The following EXOC3 variants were observed in gnomAD, a reference collection of about 807,000 sequenced individuals.
EXOC3 encodes SEC6-like 1.
EXOC3 carries 21 observed loss-of-function variants against 73.7 expected under a neutral mutation model. That is an observed-to-expected ratio of 0.29 (90% CI 0.20 to 0.41). EXOC3 has a LOEUF of 0.41. Among genes scored for constraint, EXOC3 ranks in the 10% least tolerant of loss-of-function variants. EXOC3 has a pLI of 1.00. For missense variants in EXOC3, 842 were observed against 985.1 expected, an observed-to-expected ratio of 0.85 and a Z score of 1.95; for synonymous variants, 410 against 389.1, an observed-to-expected ratio of 1.05 and a Z score of -0.63.
At position 466,850 on chromosome 5, in the gene EXOC3, C is replaced by T. The variant is rs1407779578; in HGVS notation, c.2190C>T (p.Phe730=). 1 of 1,612,786 alleles carries T rather than the reference C, an allele frequency of 6.2e-7. No homozygotes were observed. The highest frequency in any genetic ancestry group is 8.5e-7 in the Non-Finnish European group (1 of 1,179,484). Residue 730 remains phenylalanine (F), a synonymous_variant, in exon 13 of 13, where the codon TTC becomes TTT. Coordinates refer to ENST00000512944, the MANE Select transcript of EXOC3 (RefSeq NM_007277.5). ...CCAGCCCCAGCTACGTGCCCCTCTT[C>T]AAGGACATTGTGGTGCCCAGCCTGA... ...AQASPSYVPL[F]KDIVVPSLNV... is the part of the protein sequence containing the mutation.
chr5:457,322 T>C, intron 5 of EXOC3: 2 of 335,704 alleles, frequency 6.0e-6, no homozygotes, highest in Non-Finnish European at 1.0e-5. Flanking sequence ...CGGCTCTGAG[T>C]CCCATGGTTG....
chr5:443,464 T>G (rs865967090), intron 1 of EXOC3, among the ~76,000 whole-genome samples, 174 bp downstream of exon 1: 1 of 152,128 alleles, frequency 6.6e-6, no homozygotes, highest in Non-Finnish European at 1.5e-5. Flanking sequence ...CTCGTGCGAG[T>G]GTCCTCGGCG....
chr5:464,931 T>G, intron 10 of EXOC3, 180 bp from the exon 11 acceptor site: 1 of 662,992 alleles, frequency 1.5e-6, no homozygotes, highest in Non-Finnish European at 2.5e-6. Flanking sequence ...TCACCGTCAC[T>G]GTTCCCCCAC....
intron 12 of EXOC3, chr5:466,046 G>GT (rs1290269844): frequency 2.0e-6 from 1 of 489,986 alleles, no homozygotes; most frequent in African/African-American, 1.9e-5. Flanking sequence ...CTGGGCTACA[G>GT]TGTGGGTGGG....
At chr5:461,491 T>TAGTCCCACCTGC (rs1320870339) in intron 7 of EXOC3, 36 of 156,366 alleles carry the variant, frequency 2.3e-4, no homozygotes, top group Admixed American at 6.9e-4. Flanking sequence ...GGCACACCTG[T>TAGTCCCACCTGC]AGTCCCACCT....
chr5:453,679 G>GCATA lies in EXOC3; in HGVS notation c.676_679dup (p.Leu227HisfsTer3). The GCATA allele has an allele frequency of 6.2e-7, 1 of 1,613,912 alleles. No individual in the cohort carries two copies. Among genetic ancestry groups the GCATA allele is most frequent in the Non-Finnish European group, 8.5e-7 (1 of 1,179,884 alleles). ...GAAAGGGAAGAGAAAATTGACAGGC[G>GCATA]CATACTTGACCGGAAAAAGCAAACT... On this transcript the variant is annotated frameshift_variant, in exon 4 of 13. Transcript: ENST00000512944. LOFTEE classifies it high-confidence loss of function.
At position 453,939 on chromosome 5, in the gene EXOC3, C is replaced by T; in HGVS notation, c.934C>T (p.Leu312=). The change falls in exon 4 of 13, where the codon CTG becomes TTG. Residue 312 remains leucine (L), a synonymous_variant. Transcript: ENST00000512944. Reference sequence around the variant, plus strand: ...CCACTATGAGATCTTTAAGAACCTCCTGAACATGTACCACCAAGCCCTGAG... The same window carrying T: ...CCACTATGAGATCTTTAAGAACCTCTTGAACATGTACCACCAAGCCCTGAG... The part of the protein sequence containing the change: ...PPHYEIFKNL[L]NMYHQALSTR... 2.5e-6 allele frequency: 4 copies of T among 1,614,030 alleles called. No individual in the cohort carries two copies. Among genetic ancestry groups the T allele is most frequent in the South Asian group, 1.1e-5 (1 of 91,080 alleles).
In EXOC3 at chr5:453,945, A is replaced by G. The variant is rs1006268473; in HGVS notation, c.940A>G (p.Met314Val). 1 of 1,613,912 alleles carries G rather than the reference A, an allele frequency of 6.2e-7. No homozygotes were observed. Among genetic ancestry groups the G allele is most frequent in the African/African-American group, 1.3e-5 (1 of 74,934 alleles). ...HYEIFKNLLN[M>V]YHQALSTRMQ... ...TGAGATCTTTAAGAACCTCCTGAACATGTACCACCAAGCCCTGAGCACGCG... is the reference window on the plus strand; with the variant it reads ...TGAGATCTTTAAGAACCTCCTGAACGTGTACCACCAAGCCCTGAGCACGCG... Residue 314 changes from methionine (M) to valine (V), a missense_variant, in exon 4 of 13, where the codon ATG (methionine) becomes GTG (valine). Met to Val is a conservative substitution (Grantham distance 21). Transcript: ENST00000512944.
intron 3 of EXOC3, 80 bp from the exon 4 acceptor site, chr5:453,290 C>T (rs1737707314): frequency 1.5e-5 from 16 of 1,061,188 alleles, no homozygotes; most frequent in South Asian, 1.3e-4. Flanking sequence ...CCTGCTCTGC[C>T]GTGTTCCCAG....
chr5:463,957 C>G (rs1431825576), intron 9 of EXOC3, among the ~76,000 whole-genome samples: 5 of 152,252 alleles, frequency 3.3e-5, no homozygotes, highest in Non-Finnish European at 7.3e-5. Context: ...ATCTCCTATA[C>G]TTAAAGTACA....
chr5:464,305 T>G lies in EXOC3; in HGVS notation c.1669T>G (p.Leu557Val), dbSNP rs377302797. The G allele has an allele frequency of 1.2e-6, 2 of 1,613,626 alleles. No individual in the cohort carries two copies. The highest frequency in any genetic ancestry group is 2.2e-5 in the South Asian group (2 of 91,068). Reference sequence around the variant, plus strand: ...TGCTTTTCAGCAACATCTGAATGAATTGATGACGAAGAAGTGGCTATTAGG... The same window carrying G: ...TGCTTTTCAGCAACATCTGAATGAAGTGATGACGAAGAAGTGGCTATTAGG... ...FLDLEQHLNE[L>V]MTKKWLLGSN... The change falls in exon 10 of 13, where the codon TTG becomes GTG. Residue 557 changes from leucine to valine, a missense_variant. By Grantham distance (32) the Leu-to-Val change is conservative. Coordinates refer to ENST00000512944, the MANE Select transcript of EXOC3 (RefSeq NM_007277.5).
intron 9 of EXOC3, among the ~76,000 whole-genome samples, chr5:463,106 A>AAAC (rs1042921937): frequency 2.6e-5 from 4 of 152,152 alleles, no homozygotes; most frequent in Non-Finnish European, 4.4e-5. Flanking sequence ...CTCCATTTCA[A>AAAC]AACAACAACA....
chr5:453,957 G>C lies in EXOC3; in HGVS notation c.952G>C (p.Ala318Pro). Residue 318 changes from alanine to proline, a missense_variant, in exon 4 of 13, where the codon GCC (alanine) becomes CCC (proline). Transcript: ENST00000512944. ...GAACCTCCTGAACATGTACCACCAA[G>C]CCCTGAGCACGCGGATGCAGGACCT... Reference protein sequence around the residue: ...FKNLLNMYHQALSTRMQDLAS... With the variant: ...FKNLLNMYHQPLSTRMQDLAS... The C allele has an allele frequency of 6.2e-7, 1 of 1,614,002 alleles. No individual in the cohort carries two copies. The highest frequency in any genetic ancestry group is 8.5e-7 in the Non-Finnish European group (1 of 1,179,884).
chr5:447,196 C>T, intron 2 of EXOC3: 1 of 198,744 alleles, frequency 5.0e-6, no homozygotes, highest in Non-Finnish European at 1.0e-5. Context: ...GCATGGGTGA[C>T]ATCCTTCTGA....
intron 10 of EXOC3, chr5:464,697 G>C (rs773359786): frequency 2.3e-6 from 1 of 428,792 alleles, no homozygotes; most frequent in Non-Finnish European, 4.3e-6. Context: ...CACTCCCTGA[G>C]GCCCCAGGGA....
intron 7 of EXOC3, among the ~76,000 whole-genome samples, chr5:460,272 C>T (rs770345880): frequency 6.6e-6 from 1 of 152,244 alleles, no homozygotes; most frequent in Admixed American, 6.5e-5. Flanking sequence ...CCCCTTCCCT[C>T]CTTCAGCTGC....
intron 12 of EXOC3, chr5:466,470 T>C: frequency 2.0e-6 from 1 of 492,748 alleles, no homozygotes; most frequent in Non-Finnish European, 3.6e-6. Context: ...CTCTCCACGG[T>C]CTCCCCTCTG....
intron 7 of EXOC3, chr5:461,631 A>G (rs1024683714): frequency 7.0e-5 from 18 of 255,384 alleles, no homozygotes; most frequent in Non-Finnish European, 1.1e-4. Context: ...AAAAAGAGAC[A>G]AGGTCTGATT....
chr5:464,994 G>A, intron 10 of EXOC3, 117 bp from the exon 11 acceptor site: 1 of 1,062,042 alleles, frequency 9.4e-7, no homozygotes, highest in Non-Finnish European at 1.3e-6. Context: ...GCGGAGCGAG[G>A]AGGAGTGGGC....
Sources: gnomAD v4.1 joint callset for allele counts (sites outside exome capture counted in the v4.1 genomes callset) on GRCh38, gnomAD v4.1.1 for gene constraint, MANE v1.5 for transcripts, NCBI Gene and HGNC (gene_info 2026-07-23, HGNC 2026-07-21) for gene names.